The following DAG1 variants were observed in gnomAD, a reference collection of about 807,000 sequenced individuals.
The protein encoded by DAG1 is dystroglycan 1, also known as dystroglycan 1 (dystrophin-associated glycoprotein 1).
Under a neutral mutation model 46.1 loss-of-function variants are expected in DAG1, and 8 were observed. The ratio of observed to expected loss-of-function variants is 0.17; its 90% CI spans 0.10 to 0.31. The LOEUF is 0.31. DAG1 is among the 10% of genes least tolerant of loss of function. The pLI, the probability that DAG1 is intolerant of heterozygous loss-of-function variation, is 1.00. For synonymous variants in DAG1, 495 were observed against 481.8 expected, an observed-to-expected ratio of 1.03 and a Z score of -0.36; for missense variants, 1,003 against 1,189.9, an observed-to-expected ratio of 0.84 and a Z score of 2.31.
intron 2 of DAG1, among the ~76,000 whole-genome samples, chr3:49,511,369 T>G (rs2050757324): frequency 6.6e-6 from 1 of 152,122 alleles, no homozygotes; most frequent in South Asian, 2.1e-4. Context: ...AGTGTCTTGG[T>G]TGACCCAGGA....
In DAG1 at chr3:49,499,980, T is replaced by C. The variant is rs547961988; in HGVS notation, c.-116-10439T>C. ...ACTTGACATTTTACTTCTTCTTCTT[T>C]TTTTTTTTTTTTGAGACAGAATCTT... is the stretch of plus-strand genomic sequence containing the variant. On this transcript the variant is annotated intron_variant, in intron 1 of 2. Transcript: ENST00000308775. 9.9e-5 allele frequency among the ~76,000 whole-genome samples: 15 copies of C among 150,810 alleles called. 1 individual carries two copies. Among genetic ancestry groups the C allele is most frequent in the South Asian group, 4.2e-4 (2 of 4,798 alleles).
intron 1 of DAG1, among the ~76,000 whole-genome samples, chr3:49,502,093 G>A (rs1195830575): frequency 1.3e-5 from 2 of 152,216 alleles, no homozygotes; most frequent in African/African-American, 2.4e-5. Flanking sequence ...GTTTTCTTGA[G>A]CCCAGAGGTT....
At chr3:49,486,379 C>T (rs537743787) in intron 1 of DAG1, among the ~76,000 whole-genome samples, 36 of 151,228 alleles carry the variant, frequency 2.4e-4, no homozygotes, top group African/African-American at 4.1e-4. Context: ...CCACCACGCC[C>T]GGCTAATTTT....
At chr3:49,521,792 A>G (rs1254407677) in intron 2 of DAG1, among the ~76,000 whole-genome samples, 1 of 151,650 alleles carries the variant, frequency 6.6e-6, no homozygotes, top group Non-Finnish European at 1.5e-5. Flanking sequence ...AAATGTTCAA[A>G]TTTGGCAGTT....
chr3:49,486,515 GC>G (rs2050031499), intron 1 of DAG1, among the ~76,000 whole-genome samples: 1 of 148,938 alleles, frequency 6.7e-6, no homozygotes, highest in South Asian at 2.1e-4. Context: ...ACCGCGCCCG[GC>G]CCTTTTTCTT....
At chr3:49,528,170 CTTTAT>C (rs1439275005) in intron 2 of DAG1, among the ~76,000 whole-genome samples, 3 of 151,100 alleles carry the variant, frequency 2.0e-5, no homozygotes, top group Non-Finnish European at 2.9e-5. Flanking sequence ...AGCATTCAAC[CTTTAT>C]TTTATGTGTT....
At chr3:49,522,423 C>G (rs1431617898) in intron 2 of DAG1, among the ~76,000 whole-genome samples, 1 of 151,978 alleles carries the variant, frequency 6.6e-6, no homozygotes, top group Non-Finnish European at 1.5e-5. Flanking sequence ...CTTCGGCTCC[C>G]GAAGTGCTGC....
chr3:49,484,797 C>CTTT (rs1019383704), intron 1 of DAG1, among the ~76,000 whole-genome samples: 4 of 138,570 alleles, frequency 2.9e-5, no homozygotes, highest in East Asian at 2.1e-4. Flanking sequence ...GCCATTGCTG[C>CTTT]TTTTTTTTTT....
At chr3:49,480,782 G>GA (rs2049856476) in intron 1 of DAG1, among the ~76,000 whole-genome samples, 1 of 90,570 alleles carries the variant, frequency 1.1e-5, no homozygotes, top group African/African-American at 3.8e-5. Context: ...TTTTTTTTGA[G>GA]ACGGAGTCTC....
Position 49,532,308 on chromosome 3 carries a change from C to A in DAG1, c.1797C>A (p.Pro599=). 1 of 1,614,162 alleles carries A rather than the reference C, an allele frequency of 6.2e-7. No individual in the cohort carries two copies. Among genetic ancestry groups the A allele is most frequent in the Non-Finnish European group, 8.5e-7 (1 of 1,180,046 alleles). The change falls in exon 3 of 3, where the codon CCC becomes CCA. Residue 599 remains proline, a synonymous_variant. Coordinates refer to ENST00000308775, the MANE Select transcript of DAG1 (RefSeq NM_004393.6). This position sits in a 1 kb window ranked among gnomAD's most constrained non-coding sequence, Gnocchi z 5.4. The part of the protein sequence containing the change: ...DAFEIHVHRR[P]QGDRAPARFK... Reference sequence around the variant, plus strand: ...TCGAGATCCACGTCCACAGGCGCCCCCAAGGGGATAGGGCTCCTGCAAGGT... The same window carrying A: ...TCGAGATCCACGTCCACAGGCGCCCACAAGGGGATAGGGCTCCTGCAAGGT...
rs559725284 is a variant in DAG1, at chr3:49,518,939, A to G, written c.285+8120A>G. Among the ~76,000 whole-genome samples, 11 of 152,318 alleles carry G rather than the reference A, an allele frequency of 7.2e-5. No individual in the cohort carries two copies. In the South Asian group the frequency reaches 2.1e-3, roughly 29 times the overall value. On this transcript the variant is annotated intron_variant, in intron 2 of 2. Coordinates refer to ENST00000308775, the MANE Select transcript of DAG1 (RefSeq NM_004393.6). ...CCCTTGAATCAGACTGGATGCCTGT[A>G]TACAAAGCTCAGCCCAGCTCTTGAC...
Position 49,503,053 on chromosome 3 carries a change from G to A in DAG1, c.-116-7366G>A, listed in dbSNP as rs368758610. On this transcript the variant is annotated intron_variant, in intron 1 of 2. Transcript: ENST00000308775. Reference sequence around the variant, plus strand: ...TATATTTTCCAGTACATGGACATTAGGATTGTTTTTAACTTTCCAGTGTTG... The same window carrying A: ...TATATTTTCCAGTACATGGACATTAAGATTGTTTTTAACTTTCCAGTGTTG... Among the ~76,000 whole-genome samples, 47 of 152,302 alleles carry A rather than the reference G, an allele frequency of 3.1e-4. No individual in the cohort carries two copies. The South Asian group carries it at 9.3e-3, about 30-fold the overall frequency.
intron 2 of DAG1, among the ~76,000 whole-genome samples, chr3:49,521,225 G>A (rs2312461): frequency 0.43 from 65,132 of 151,684 alleles, 15,419 homozygotes; most frequent in East Asian, 0.93. Flanking sequence ...GTGCAGTGGC[G>A]CGATCTCGGC....
chr3:49,472,739 G>A (rs544096456), intron 1 of DAG1, among the ~76,000 whole-genome samples: 6 of 152,186 alleles, frequency 3.9e-5, no homozygotes, highest in African/African-American at 7.2e-5. Flanking sequence ...CCCGGGAGGC[G>A]GAGCTTGCAG....
In DAG1 at chr3:49,500,414, A is replaced by G. The variant is rs145270802; in HGVS notation, c.-116-10005A>G. ...CAGATGCGAGCCACTTACTGGCCCT[A>G]CCCCAACTAGCTCTGGTTCTTCTGG... On this transcript the variant is annotated intron_variant, in intron 1 of 2. Transcript: ENST00000308775. 1.6e-3 allele frequency among the ~76,000 whole-genome samples: 247 copies of G among 152,188 alleles called. 4 individuals are homozygous for G. Among genetic ancestry groups the G allele is most frequent in the Non-Finnish European group, 7.4e-5 (5 of 68,024 alleles).
At chr3:49,472,319 C>G (rs954986426) in intron 1 of DAG1, among the ~76,000 whole-genome samples, 1 of 151,958 alleles carries the variant, frequency 6.6e-6, no homozygotes, top group Non-Finnish European at 1.5e-5. Context: ...GGGGGAGGAG[C>G]TACATTCTGG....
intron 1 of DAG1, among the ~76,000 whole-genome samples, chr3:49,481,195 C>T (rs1002242999): frequency 2.7e-5 from 4 of 147,130 alleles, no homozygotes; most frequent in Non-Finnish European, 1.5e-5. Flanking sequence ...GGAGACCGTC[C>T]TGGCTAACAT....
intron 1 of DAG1, among the ~76,000 whole-genome samples, chr3:49,479,744 T>C (rs906220522): frequency 4.9e-5 from 7 of 143,104 alleles, no homozygotes; most frequent in African/African-American, 1.8e-4. Flanking sequence ...TTCAATTGAT[T>C]CTCCTGCCTC....
intron 1 of DAG1, among the ~76,000 whole-genome samples, chr3:49,472,738 C>T (rs1441353316): frequency 6.6e-5 from 10 of 151,976 alleles, no homozygotes; most frequent in African/African-American, 2.4e-4. Flanking sequence ...ACCCGGGAGG[C>T]GGAGCTTGCA....
Sources: allele counts gnomAD v4.1 joint callset (sites outside exome capture counted in the v4.1 genomes callset), GRCh38; gene constraint gnomAD v4.1.1; non-coding constraint Gnocchi (gnomAD v3.1); transcripts MANE v1.5; gene names NCBI Gene and HGNC (gene_info 2026-07-23, HGNC 2026-07-21).